Variants in SLC6A13 observed in about 807,000 individuals in gnomAD.
SLC6A13 encodes sodium- and chloride-dependent GABA transporter 2.
A neutral mutation model predicts 72.9 loss-of-function variants in SLC6A13; 69 were observed. That is an observed-to-expected ratio of 0.95 (90% confidence interval 0.78 to 1.16). The LOEUF is 1.16. SLC6A13 is among the 50% of genes most tolerant of loss of function. The pLI is 0.00. For synonymous variants in SLC6A13, 303 were observed against 303.0 expected, an observed-to-expected ratio of 1.00 and a Z score of 0.00; for missense variants, 735 against 760.5, an observed-to-expected ratio of 0.97 and a Z score of 0.39.
intron 6 of SLC6A13, 105 bp downstream of exon 6, chr12:237,053 G>A (rs571094542): frequency 2.8e-5 from 35 of 1,261,840 alleles, no homozygotes; most frequent in South Asian, 9.5e-5. Context: ...CTGGGTCATC[G>A]CCTCCCATCC....
chr12:227,796 C>T, intron 7 of SLC6A13, 128 bp from the exon 8 acceptor site: 1 of 744,534 alleles, frequency 1.3e-6, no homozygotes, highest in Non-Finnish European at 2.2e-6. Flanking sequence ...TCTCAGCCAA[C>T]ACTTGCATCC....
intron 7 of SLC6A13, among the ~76,000 whole-genome samples, chr12:234,730 C>G (rs1941856736): frequency 6.6e-6 from 1 of 152,166 alleles, no homozygotes; most frequent in African/African-American, 2.4e-5. Context: ...GTTGGCCAGA[C>G]TGGTCTCGAA....
rs748107973 is a variant in SLC6A13 at position 237,151 on chromosome 12, C to T, written c.696+7G>A. The T allele has an allele frequency of 2.9e-5, 47 of 1,613,760 alleles. 1 individual carries two copies. The highest frequency in any genetic ancestry group is 2.2e-4 in the South Asian group (20 of 91,066). ...GAATGGGAGGGGCAGGAGCTCCCCACACGAACCTTGCCTGTGGACTTCACC... is the reference window on the plus strand; with the variant it reads ...GAATGGGAGGGGCAGGAGCTCCCCATACGAACCTTGCCTGTGGACTTCACC... On this transcript the variant is annotated splice_region_variant and intron_variant, in intron 6 of 14. Transcript: ENST00000343164.
intron 7 of SLC6A13, among the ~76,000 whole-genome samples, chr12:232,906 C>T (rs754541051): frequency 1.2e-4 from 18 of 152,228 alleles, no homozygotes; most frequent in East Asian, 5.8e-4. Context: ...GTTTGGCTTC[C>T]GGATAGCCTG....
intron 9 of SLC6A13, among the ~76,000 whole-genome samples, chr12:225,658 TAA>T (rs11309524): frequency 0.017 from 2,313 of 140,102 alleles, 38 homozygotes; most frequent in East Asian, 0.062. Flanking sequence ...TCAAACAGTT[TAA>T]AAAAAAAAAA....
intron 12 of SLC6A13, among the ~76,000 whole-genome samples, 196 bp downstream of exon 12, chr12:222,936 C>T (rs1941276741): frequency 1.3e-5 from 2 of 151,992 alleles, no homozygotes; most frequent in Admixed American, 1.3e-4. Context: ...ACAGCTATAA[C>T]CAAGACTGTG....
chr12:254,967 C>T lies in SLC6A13; in HGVS notation c.202+4884G>A, dbSNP rs146967477. ...TTTGAGACCAGCCTGGCCAACATGGCGAAACCCCCTCTCTATTAAAAACAA... is the reference window on the plus strand; with the variant it reads ...TTTGAGACCAGCCTGGCCAACATGGTGAAACCCCCTCTCTATTAAAAACAA... On this transcript the variant is annotated intron_variant, in intron 2 of 14. Coordinates refer to ENST00000343164, the MANE Select transcript of SLC6A13 (RefSeq NM_016615.5). The surrounding 1 kb of genome is among the most constrained non-coding windows in gnomAD (Gnocchi z 4.4). 3.3e-3 allele frequency among the ~76,000 whole-genome samples: 501 copies of T among 152,086 alleles called. 1 individual carries two copies. The highest frequency in any genetic ancestry group is 8.0e-3 in the East Asian group (41 of 5,154).
intron 2 of SLC6A13, among the ~76,000 whole-genome samples, chr12:255,004 A>AC (rs1942690753): frequency 6.6e-6 from 1 of 151,940 alleles, no homozygotes; most frequent in East Asian, 1.9e-4. Flanking sequence ...AACAACAACA[A>AC]AACAAAACAC....
chr12:233,609 T>C (rs544409719), intron 7 of SLC6A13, among the ~76,000 whole-genome samples: 29 of 151,568 alleles, frequency 1.9e-4, no homozygotes, highest in African/African-American at 6.8e-4. Context: ...AGGAGGCAGA[T>C]TGAGGGGTAA....
At chr12:257,591 G>T (rs567981142) in intron 2 of SLC6A13, among the ~76,000 whole-genome samples, 3 of 152,102 alleles carry the variant, frequency 2.0e-5, no homozygotes, top group Non-Finnish European at 4.4e-5. Flanking sequence ...CACAGCCGCC[G>T]CCCTGCTGCC....
At chr12:236,376 A>G (rs1009787552) in intron 6 of SLC6A13, among the ~76,000 whole-genome samples, 31 of 150,838 alleles carry the variant, frequency 2.1e-4, no homozygotes, top group African/African-American at 7.5e-4. Flanking sequence ...TCCTCTCTTT[A>G]TACTGTCTCT....
At chr12:221,575 T>C in intron 13 of SLC6A13, 29 bp from the exon 14 acceptor site, 1 of 1,460,942 alleles carries the variant, frequency 6.8e-7, no homozygotes, top group Non-Finnish European at 9.3e-7. Flanking sequence ...GAGAAAGGGG[T>C]TGGGGGGCGG....
At chr12:233,574 G>A (rs573824025) in intron 7 of SLC6A13, among the ~76,000 whole-genome samples, 8 of 152,270 alleles carry the variant, frequency 5.3e-5, no homozygotes, top group Admixed American at 1.3e-4. Flanking sequence ...CTAGACATGG[G>A]TCACATGGGC....
In SLC6A13 at chr12:254,153, G is replaced by A. The variant is rs151015611; in HGVS notation, c.202+5698C>T. On this transcript the variant is annotated intron_variant, in intron 2 of 14. Transcript: ENST00000343164. The surrounding 1 kb of genome is among the most constrained non-coding windows in gnomAD (Gnocchi z 4.4). ...TTCCCTCCTGGCAGCTGAGGGTGGA[G>A]GGCTGGAGGAATAGTTCAAATGTCA... is the stretch of plus-strand genomic sequence containing the variant. 4.0e-3 allele frequency among the ~76,000 whole-genome samples: 603 copies of A among 152,280 alleles called. 5 individuals are homozygous for A. The highest frequency in any genetic ancestry group is 0.014 in the African/African-American group (574 of 41,556).
At chr12:248,999 T>G (rs1317331780) in intron 2 of SLC6A13, among the ~76,000 whole-genome samples, 1 of 152,190 alleles carries the variant, frequency 6.6e-6, no homozygotes, top group African/African-American at 2.4e-5. Flanking sequence ...GCCACCTATT[T>G]GGAAATTAGG....
intron 1 of SLC6A13, among the ~76,000 whole-genome samples, chr12:260,395 C>T (rs1161695090): frequency 6.6e-6 from 1 of 152,206 alleles, no homozygotes; most frequent in Non-Finnish European, 1.5e-5. Context: ...ACCCTACAGT[C>T]AGCCTCGTCG....
intron 7 of SLC6A13, among the ~76,000 whole-genome samples, chr12:228,737 A>T (rs965669771): frequency 6.6e-6 from 1 of 151,910 alleles, no homozygotes; most frequent in African/African-American, 2.4e-5. Context: ...AAGTGGCCAC[A>T]TTTCTCAGCA....
In SLC6A13 at chr12:248,260, G is replaced by T. The variant is rs192228302; in HGVS notation, c.203-4447C>A. On this transcript the variant is annotated intron_variant, in intron 2 of 14. Transcript: ENST00000343164. Reference sequence around the variant, plus strand: ...CTTTGAATAAAAAAGACATGAAGAGGTTAAAAGTAAAAGGATAGAAAGATA... The same window carrying T: ...CTTTGAATAAAAAAGACATGAAGAGTTTAAAAGTAAAAGGATAGAAAGATA... Among the ~76,000 whole-genome samples, 41 of 152,042 alleles carry T rather than the reference G, an allele frequency of 2.7e-4. No homozygotes were observed. In the East Asian group the frequency reaches 7.9e-3, roughly 29 times the overall value.
chr12:245,713 G>T (rs894106484), intron 2 of SLC6A13, among the ~76,000 whole-genome samples: 1 of 151,482 alleles, frequency 6.6e-6, no homozygotes, highest in Non-Finnish European at 1.5e-5. Flanking sequence ...GGCAGGGTGT[G>T]GTGGATTACG....
Sources: gnomAD v4.1 joint callset for allele counts (sites outside exome capture counted in the v4.1 genomes callset) on GRCh38, gnomAD v4.1.1 for gene constraint, Gnocchi (gnomAD v3.1) non-coding constraint, MANE v1.5 for transcripts, NCBI Gene and HGNC (gene_info 2026-07-23, HGNC 2026-07-21) for gene names.